Variants in FHIT observed in about 807,000 individuals in gnomAD.
FHIT encodes bis(5'-adenosyl)-triphosphatase.
In FHIT, 19 loss-of-function variants were observed where a neutral mutation model predicts 17.9. That is an observed-to-expected ratio of 1.06 (90% CI 0.74 to 1.56). FHIT has a LOEUF of 1.56. Ranked by LOEUF, FHIT falls within the 40% of genes most tolerant of loss-of-function variation. The probability of loss-of-function intolerance (pLI) is 0.00; values close to 1 mark genes in which losing one functional copy is unlikely to be tolerated. For missense variants in FHIT, 248 were observed against 189.2 expected (o/e 1.31, Z -1.82); for synonymous variants, 81 against 69.7 (o/e 1.16, Z -0.81).
intron 5 of FHIT, among the ~76,000 whole-genome samples, chr3:60,063,923 C>T (rs1265127569): frequency 6.6e-6 from 1 of 152,196 alleles, no homozygotes; most frequent in African/African-American, 2.4e-5. Context: ...TAGGTCTGCT[C>T]TTCAAGATAT....
chr3:59,991,197 A>T (rs1220398367), intron 7 of FHIT, among the ~76,000 whole-genome samples: 1 of 152,080 alleles, frequency 6.6e-6, no homozygotes, highest in Non-Finnish European at 1.5e-5. Flanking sequence ...TGAATGGATT[A>T]ATGACATTGT....
chr3:60,074,087 A>T (rs1452142321), intron 5 of FHIT, among the ~76,000 whole-genome samples: 1 of 152,100 alleles, frequency 6.6e-6, no homozygotes, highest in African/African-American at 2.4e-5. Flanking sequence ...CAGATGTCTT[A>T]GTTTTTTGCT....
intron 4 of FHIT, among the ~76,000 whole-genome samples, chr3:60,723,216 A>AGAAATTTG (rs1195863759): frequency 1.3e-5 from 2 of 152,170 alleles, no homozygotes. Flanking sequence ...CATATAATAC[A>AGAAATTTG]GAAATTTGGA....
At chr3:60,255,129 AG>A (rs1247853526) in intron 5 of FHIT, among the ~76,000 whole-genome samples, 1 of 152,188 alleles carries the variant, frequency 6.6e-6, no homozygotes, top group Non-Finnish European at 1.5e-5. Context: ...ATTTAGGTTA[AG>A]AATAAAGTGT....
At chr3:60,322,866 C>A (rs1383982491) in intron 5 of FHIT, among the ~76,000 whole-genome samples, 2 of 152,052 alleles carry the variant, frequency 1.3e-5, no homozygotes, top group Admixed American at 1.3e-4. Flanking sequence ...GAAATGATAT[C>A]CCAAATTTGA....
intron 2 of FHIT, among the ~76,000 whole-genome samples, chr3:61,149,224 C>T (rs1399105774): frequency 2.0e-5 from 3 of 152,160 alleles, no homozygotes; most frequent in South Asian, 4.2e-4. Flanking sequence ...GATGGTATTT[C>T]CATGACATCT....
chr3:59,973,124 C>T (rs1378833665), intron 7 of FHIT, among the ~76,000 whole-genome samples: 1 of 152,064 alleles, frequency 6.6e-6, no homozygotes, highest in Non-Finnish European at 1.5e-5. Context: ...CAATTACTGA[C>T]ATGTCTTCTC....
chr3:60,074,678 A>G (rs1224971622), intron 5 of FHIT, among the ~76,000 whole-genome samples: 1 of 151,758 alleles, frequency 6.6e-6, no homozygotes, highest in Admixed American at 6.6e-5. Context: ...AAAAAACAAC[A>G]TGCACTTTAA....
At chr3:59,953,163 A>T (rs994795117) in intron 7 of FHIT, among the ~76,000 whole-genome samples, 1 of 151,360 alleles carries the variant, frequency 6.6e-6, no homozygotes, top group Non-Finnish European at 1.5e-5. Context: ...GTGTAAGGGT[A>T]AATCTCCCCT....
At chr3:60,662,505 C>G (rs1365945726) in intron 4 of FHIT, among the ~76,000 whole-genome samples, 1 of 151,872 alleles carries the variant, frequency 6.6e-6, no homozygotes, top group African/African-American at 2.4e-5. Flanking sequence ...TTTGCTTAGT[C>G]TTGCTTTGGC....
At chr3:60,784,269 T>A (rs1373775903) in intron 4 of FHIT, among the ~76,000 whole-genome samples, 1 of 152,064 alleles carries the variant, frequency 6.6e-6, no homozygotes, top group African/African-American at 2.4e-5. Context: ...CGGACAGCTG[T>A]GTCCATCCTC....
chr3:60,668,099 T>C (rs1553692911), intron 4 of FHIT, among the ~76,000 whole-genome samples: 2 of 152,008 alleles, frequency 1.3e-5, no homozygotes. Flanking sequence ...TTATGTCTTC[T>C]TGCCCCAGTG....
intron 3 of FHIT, among the ~76,000 whole-genome samples, chr3:60,889,662 C>A (rs1417623133): frequency 6.6e-6 from 1 of 152,116 alleles, no homozygotes; most frequent in Non-Finnish European, 1.5e-5. Flanking sequence ...GTGTAGTACC[C>A]TATAGCTGTA....
intron 2 of FHIT, among the ~76,000 whole-genome samples, chr3:61,197,487 T>C (rs1013559591): frequency 1.3e-5 from 2 of 152,124 alleles, no homozygotes; most frequent in Non-Finnish European, 2.9e-5. Flanking sequence ...AATTAACAAG[T>C]TTTGTTCTAG....
chr3:60,535,940 G>T (rs940939040), intron 5 of FHIT: 2 of 151,618 alleles, frequency 1.3e-5, no homozygotes, highest in Non-Finnish European at 2.9e-5. Context: ...TGGCATATTT[G>T]TACATTCAGA....
At chr3:60,660,729 C>CTTTTTTTTTTTT in intron 4 of FHIT, among the ~76,000 whole-genome samples, 782 of 37,218 alleles carry the variant, frequency 0.021, 182 homozygotes, top group Non-Finnish European at 0.025. Flanking sequence ...TTATTGTGCT[C>CTTTTTTTTTTTT]TTTTTTTTTT....
At chr3:60,775,147 G>C (rs1218801562) in intron 4 of FHIT, among the ~76,000 whole-genome samples, 1 of 152,156 alleles carries the variant, frequency 6.6e-6, no homozygotes, top group Admixed American at 6.5e-5. Context: ...GAAATGAATA[G>C]AGTGTATGTT....
At chr3:60,117,033 C>A (rs568161945) in intron 5 of FHIT, among the ~76,000 whole-genome samples, 2 of 152,150 alleles carry the variant, frequency 1.3e-5, no homozygotes, top group African/African-American at 4.8e-5. Context: ...CCACTCTGTC[C>A]CAATCCTTAA....
chr3:60,889,152 G>T (rs141440612), intron 3 of FHIT, among the ~76,000 whole-genome samples: 1 of 151,846 alleles, frequency 6.6e-6, no homozygotes, highest in African/African-American at 2.4e-5. Context: ...CATTCTCCAC[G>T]CTGCATAACC....
Sources: gnomAD v4.1 joint callset for allele counts (sites outside exome capture counted in the v4.1 genomes callset) on GRCh38, gnomAD v4.1.1 for gene constraint, MANE v1.5 for transcripts, NCBI Gene and HGNC (gene_info 2026-07-23, HGNC 2026-07-21) for gene names.